KCNK5: variants seen among roughly 807,000 people sequenced by gnomAD.
KCNK5 encodes the protein potassium two pore domain channel subfamily K member 5.
KCNK5 carries 18 observed loss-of-function variants against 32.9 expected under a neutral mutation model. The observed-to-expected ratio is 0.55, with a 90% CI of 0.38 to 0.81. KCNK5 has a LOEUF of 0.81. Among genes scored for constraint, KCNK5 ranks in the 30% least tolerant of loss-of-function variants. The pLI, the probability that KCNK5 is intolerant of heterozygous loss-of-function variation, is 0.00. For synonymous variants in KCNK5, 276 were observed against 275.3 expected, an observed-to-expected ratio of 1.00 and a Z score of -0.03; for missense variants, 507 against 651.0, an observed-to-expected ratio of 0.78 and a Z score of 2.41.
chr6:39,197,664 A>G (rs751690527), intron 1 of KCNK5, among the ~76,000 whole-genome samples: 1 of 152,242 alleles, frequency 6.6e-6, no homozygotes, highest in Admixed American at 6.5e-5. Context: ...GTTTGGAGCA[A>G]GAGAATGAGG....
chr6:39,208,356 C>G (rs567944220), intron 1 of KCNK5, among the ~76,000 whole-genome samples: 1 of 152,142 alleles, frequency 6.6e-6, no homozygotes, highest in African/African-American at 2.4e-5. Context: ...CCACCCAAAC[C>G]GGGCCCCCAG....
intron 1 of KCNK5, among the ~76,000 whole-genome samples, chr6:39,217,106 G>A (rs1304732826): frequency 4.1e-5 from 3 of 72,298 alleles, no homozygotes; most frequent in Admixed American, 1.9e-4. Context: ...GGCAACAAGA[G>A]CAAAACTCCA....
intron 1 of KCNK5, among the ~76,000 whole-genome samples, chr6:39,219,483 C>T (rs1771503825): frequency 6.6e-6 from 1 of 152,070 alleles, no homozygotes; most frequent in Admixed American, 6.6e-5. Context: ...GACTTGAATA[C>T]CTGTCCTTAA....
At chr6:39,215,170 T>C (rs901340355) in intron 1 of KCNK5, among the ~76,000 whole-genome samples, 3 of 152,108 alleles carry the variant, frequency 2.0e-5, no homozygotes, top group African/African-American at 7.2e-5. Context: ...GTCTGGAAGA[T>C]GGGGGAGGTG....
rs1404951055 is a variant in KCNK5, at chr6:39,229,252, A to C, written c.-141T>G. 3.4e-6 allele frequency: 3 copies of C among 887,398 alleles called. No individual in the cohort carries two copies. Among genetic ancestry groups the C allele is most frequent in the Non-Finnish European group, 5.0e-6 (3 of 594,584 alleles). 55.0% of individuals were successfully genotyped at this position (887,398 alleles called of 1,614,324 possible). On this transcript the variant is annotated 5_prime_UTR_variant, in exon 1 of 5. Coordinates refer to ENST00000359534, the MANE Select transcript of KCNK5 (RefSeq NM_003740.4). ...TGCCCGGTACTCACCCCCCGCAAGCACCGCTCCCCGGACAGAGTTGCTTGG... is the reference window on the plus strand; with the variant it reads ...TGCCCGGTACTCACCCCCCGCAAGCCCCGCTCCCCGGACAGAGTTGCTTGG...
intron 1 of KCNK5, among the ~76,000 whole-genome samples, chr6:39,208,564 G>A (rs1011888739): frequency 3.9e-5 from 6 of 152,194 alleles, no homozygotes; most frequent in African/African-American, 1.2e-4. Flanking sequence ...TTCAGTCTGC[G>A]TCTGAGACAG....
At position 39,191,250 on chromosome 6, in the gene KCNK5, G is replaced by T. The variant is rs758901737; in HGVS notation, c.1140C>A (p.Ala380=). The part of the protein sequence containing the change: ...RSPDEEAVAR[A]PEDSSPAPEV... ...CGGGGGCAGGGGAGCTGTCTTCAGG[G>T]GCCCGTGCCACAGCCTCCTCATCTG... is the stretch of plus-strand genomic sequence containing the variant. The change falls in exon 5 of 5, where the codon GCC becomes GCA. Residue 380 remains alanine, a synonymous_variant. Transcript: ENST00000359534. This position sits in a 1 kb window ranked among gnomAD's most constrained non-coding sequence, Gnocchi z 5.8. 5.6e-6 allele frequency: 9 copies of T among 1,613,998 alleles called. No individual in the cohort carries two copies. In the African/African-American group the frequency reaches 1.1e-4, roughly 19 times the overall value.
intron 1 of KCNK5, among the ~76,000 whole-genome samples, chr6:39,210,998 T>C (rs1417163465): frequency 6.6e-6 from 1 of 152,046 alleles, no homozygotes; most frequent in Non-Finnish European, 1.5e-5. Flanking sequence ...CCACCTTTCC[T>C]GGCCCGGGAC....
chr6:39,203,599 A>C (rs1203664557), intron 1 of KCNK5, among the ~76,000 whole-genome samples: 1 of 152,144 alleles, frequency 6.6e-6, no homozygotes, highest in Non-Finnish European at 1.5e-5. Context: ...GAGGTGTTAG[A>C]TGGCAGCTTC....
chr6:39,215,039 C>T (rs1415018746), intron 1 of KCNK5, among the ~76,000 whole-genome samples: 2 of 152,170 alleles, frequency 1.3e-5, no homozygotes, highest in African/African-American at 4.8e-5. Flanking sequence ...GTGACCTGGC[C>T]TAAACACACA....
chr6:39,201,297 G>T (rs1771129890), intron 1 of KCNK5, among the ~76,000 whole-genome samples: 1 of 150,764 alleles, frequency 6.6e-6, no homozygotes, highest in Admixed American at 6.6e-5. Context: ...TGTTGCCCAG[G>T]CTAGAGTACA....
chr6:39,215,832 CACAAA>C (rs1771423352), intron 1 of KCNK5, among the ~76,000 whole-genome samples: 1 of 152,172 alleles, frequency 6.6e-6, no homozygotes. Flanking sequence ...GTCCCCTGAC[CACAAA>C]CCTGTCAAGC....
intron 1 of KCNK5, among the ~76,000 whole-genome samples, chr6:39,206,845 C>CAA (rs150145202): frequency 2.6e-5 from 4 of 152,090 alleles, no homozygotes; most frequent in African/African-American, 9.7e-5. Flanking sequence ...GCGTCGATTA[C>CAA]AAAAAAATGA....
intron 1 of KCNK5, among the ~76,000 whole-genome samples, chr6:39,199,511 C>T (rs1473504649): frequency 6.6e-6 from 1 of 152,184 alleles, no homozygotes; most frequent in Admixed American, 6.5e-5. Flanking sequence ...CTGGAGAGAG[C>T]CCCTAACTCC....
chr6:39,195,875 C>T lies in KCNK5; in HGVS notation c.298+1G>A. On this transcript the variant is annotated splice_donor_variant, in intron 2 of 4. Transcript: ENST00000359534. LOFTEE classifies it high-confidence loss of function. ...TGTCCTACAGGTCCCAGAAGACTTACCAATGGTGGTAATGACGGTCGCTGC... is the reference window on the plus strand; with the variant it reads ...TGTCCTACAGGTCCCAGAAGACTTATCAATGGTGGTAATGACGGTCGCTGC... The T allele has an allele frequency of 1.2e-6, 2 of 1,611,942 alleles. No homozygotes were observed. Among genetic ancestry groups the T allele is most frequent in the Non-Finnish European group, 8.5e-7 (1 of 1,178,328 alleles).
In KCNK5 at chr6:39,216,471, C is replaced by T. The variant is rs537841574; in HGVS notation, c.186+12455G>A. ...AGTGATGGGGTGTGTGTGGAAAACC[C>T]AGTCTCAAGGAGCAGCTTGTAGCCT... On this transcript the variant is annotated intron_variant, in intron 1 of 4. Coordinates refer to ENST00000359534, the MANE Select transcript of KCNK5 (RefSeq NM_003740.4). Among the ~76,000 whole-genome samples, 9 of 152,254 alleles carry T rather than the reference C, an allele frequency of 5.9e-5. No individual in the cohort carries two copies. The East Asian group carries it at 1.7e-3, about 29-fold the overall frequency.
intron 1 of KCNK5, among the ~76,000 whole-genome samples, chr6:39,211,298 C>T (rs544303470): frequency 1.3e-5 from 2 of 152,310 alleles, no homozygotes; most frequent in African/African-American, 4.8e-5. Context: ...TTTCTACAGC[C>T]TGGTCCACCT....
intron 1 of KCNK5, among the ~76,000 whole-genome samples, chr6:39,201,577 G>A (rs1771134115): frequency 6.6e-6 from 1 of 152,112 alleles, no homozygotes; most frequent in Admixed American, 6.5e-5. Context: ...CTGTGTCAAA[G>A]CTCACTTGGC....
intron 1 of KCNK5, among the ~76,000 whole-genome samples, chr6:39,205,555 C>G (rs1024858242): frequency 2.5e-4 from 38 of 152,188 alleles, no homozygotes; most frequent in African/African-American, 8.9e-4. Context: ...TCTGCCCTAT[C>G]TGGGACACTG....
Sources: gnomAD v4.1 joint callset for allele counts (sites outside exome capture counted in the v4.1 genomes callset) on GRCh38, gnomAD v4.1.1 for gene constraint, Gnocchi (gnomAD v3.1) non-coding constraint, MANE v1.5 for transcripts, NCBI Gene and HGNC (gene_info 2026-07-23, HGNC 2026-07-21) for gene names.